PCDHGA4: variants seen among roughly 807,000 people sequenced by gnomAD.
PCDHGA4 encodes the protein protocadherin gamma subfamily A, 4, also known as protocadherin gamma-A4.
Under a neutral mutation model 54.6 loss-of-function variants are expected in PCDHGA4, and 38 were observed. The observed-to-expected ratio is 0.70, with a 90% CI of 0.54 to 0.91. The LOEUF (loss-of-function observed/expected upper bound fraction) is 0.91, where lower values mean the gene tolerates loss of function less well. Among genes scored for constraint, PCDHGA4 ranks in the 40% least tolerant of loss-of-function variants. PCDHGA4 has a pLI of 0.00. For synonymous variants in PCDHGA4, 511 were observed against 512.9 expected, an observed-to-expected ratio of 1.00 and a Z score of 0.05; for missense variants, 1,298 against 1,220.9, an observed-to-expected ratio of 1.06 and a Z score of -0.94.
At chr5:141,434,521 T>G (rs2097700467) in intron 1 of PCDHGA4, among the ~76,000 whole-genome samples, 1 of 152,202 alleles carries the variant, frequency 6.6e-6, no homozygotes, top group Non-Finnish European at 1.5e-5. Flanking sequence ...AAAGGTGTTC[T>G]TAAACCACAA....
chr5:141,374,030 T>G, intron 1 of PCDHGA4: 1 of 1,430,454 alleles, frequency 7.0e-7, no homozygotes. Context: ...GCAAAAGTGA[T>G]GCAGATCTGT....
At position 141,485,565 on chromosome 5, in the gene PCDHGA4, C is replaced by T. The variant is rs1213821989; in HGVS notation, c.2515-9242C>T. The T allele has an allele frequency of 2.5e-6, 4 of 1,612,946 alleles. No homozygotes were observed. Among genetic ancestry groups the T allele is most frequent in the Non-Finnish European group, 2.5e-6 (3 of 1,179,042 alleles). On this transcript the variant is annotated intron_variant, in intron 1 of 3. Coordinates refer to ENST00000571252, the MANE Select transcript of PCDHGA4 (RefSeq NM_018917.4). The surrounding 1 kb of genome is among the most constrained non-coding windows in gnomAD (Gnocchi z 5.7). ...ATCGTAGATGTGAATGATCACGCCCCCCGTTTTCCGCGGCAGCAGCTGGAC... is the reference window on the plus strand; with the variant it reads ...ATCGTAGATGTGAATGATCACGCCCTCCGTTTTCCGCGGCAGCAGCTGGAC...
chr5:141,470,658 G>T lies in PCDHGA4; in HGVS notation c.2515-24149G>T, dbSNP rs527415532. Among the ~76,000 whole-genome samples the T allele has an allele frequency of 4.7e-3, 721 of 152,024 alleles. 9 individuals carry two copies. The highest frequency in any genetic ancestry group is 6.7e-3 in the Non-Finnish European group (452 of 67,944). On this transcript the variant is annotated intron_variant, in intron 1 of 3. Transcript: ENST00000571252. ...CTTGCTTTGAAGGCCCCTACCCTTT[G>T]GTTAGGGCTCTGCTGTTACCATCTT... is the stretch of plus-strand genomic sequence containing the variant.
At chr5:141,365,714 A>T in intron 1 of PCDHGA4, 3 of 1,613,646 alleles carry the variant, frequency 1.9e-6, no homozygotes, top group Non-Finnish European at 2.5e-6. Context: ...CACCTCTGTC[A>T]CAGAAAACAA....
chr5:141,410,080 G>A (rs758499736), intron 1 of PCDHGA4: 2 of 1,612,672 alleles, frequency 1.2e-6, no homozygotes, highest in African/African-American at 2.7e-5. Context: ...CTGGGGAGGT[G>A]CGCACGGCTC....
intron 1 of PCDHGA4, among the ~76,000 whole-genome samples, chr5:141,454,881 C>G (rs2098805859): frequency 7.4e-6 from 1 of 135,536 alleles, no homozygotes; most frequent in African/African-American, 2.8e-5. Flanking sequence ...GATCTTGGCT[C>G]ACTGCTAGCA....
intron 1 of PCDHGA4, chr5:141,393,940 C>T: frequency 3.7e-6 from 6 of 1,613,928 alleles, no homozygotes; most frequent in Non-Finnish European, 5.1e-6. Flanking sequence ...GACCAAGACT[C>T]TGGAAAGAAT....
At position 141,431,496 on chromosome 5, in the gene PCDHGA4, A is replaced by C. The variant is rs1223687647; in HGVS notation, c.2515-63311A>C. On this transcript the variant is annotated intron_variant, in intron 1 of 3. Coordinates refer to ENST00000571252, the MANE Select transcript of PCDHGA4 (RefSeq NM_018917.4). This position sits in a 1 kb window ranked among gnomAD's most constrained non-coding sequence, Gnocchi z 4.8. ...AACGCACCAGCGTTTGCTCAGCCCGAGTACCGCGCGAGCGTTCCGGAGAAT... is the reference window on the plus strand; with the variant it reads ...AACGCACCAGCGTTTGCTCAGCCCGCGTACCGCGCGAGCGTTCCGGAGAAT... 5 of 1,614,020 alleles carry C rather than the reference A, an allele frequency of 3.1e-6. No individual in the cohort carries two copies. The South Asian group carries it at 4.4e-5, about 14-fold the overall frequency.
At chr5:141,403,786 A>G (rs1317253233) in intron 1 of PCDHGA4, 1 of 1,613,848 alleles carries the variant, frequency 6.2e-7, no homozygotes, top group African/African-American at 1.3e-5. Flanking sequence ...GAAAAGTGGC[A>G]TACAAATTCT....
intron 1 of PCDHGA4, chr5:141,370,134 T>G: frequency 2.5e-6 from 1 of 405,930 alleles, no homozygotes; most frequent in Non-Finnish European, 4.3e-6. Context: ...TTGGAGCTGA[T>G]TTAGTCACCA....
At chr5:141,366,265 C>T (rs756734800) in intron 1 of PCDHGA4, 2 of 1,613,684 alleles carry the variant, frequency 1.2e-6, no homozygotes, top group Non-Finnish European at 1.7e-6. Context: ...TCGTGGTGGC[C>T]GTCGAAGACC....
At chr5:141,372,421 G>A (rs1406028554) in intron 1 of PCDHGA4, 2 of 1,614,058 alleles carry the variant, frequency 1.2e-6, no homozygotes, top group Non-Finnish European at 1.7e-6. Context: ...CCTGACCTTA[G>A]CGACCGCCCC....
chr5:141,375,754 C>T, intron 1 of PCDHGA4: 1 of 1,614,244 alleles, frequency 6.2e-7, no homozygotes, highest in Non-Finnish European at 8.5e-7. Flanking sequence ...ACCAGAATGA[C>T]AATGCGCCCG....
Position 141,485,210 on chromosome 5 carries a change from C to T in PCDHGA4, c.2515-9597C>T, listed in dbSNP as rs2099609472. 1.2e-6 allele frequency: 2 copies of T among 1,614,058 alleles called. No individual in the cohort carries two copies. The highest frequency in any genetic ancestry group is 1.3e-5 in the African/African-American group (1 of 75,046). ...GGTGAGAAGCTGGACAGAAATCTGG[C>T]GGTGGGCTACCCTTTTGTTCCTCTT... On this transcript the variant is annotated intron_variant, in intron 1 of 3. Coordinates refer to ENST00000571252, the MANE Select transcript of PCDHGA4 (RefSeq NM_018917.4). The surrounding 1 kb of genome is among the most constrained non-coding windows in gnomAD (Gnocchi z 5.7).
rs780380650 is a variant in PCDHGA4 at position 141,432,715 on chromosome 5, C to G, written c.2515-62092C>G. 2.5e-6 allele frequency: 4 copies of G among 1,613,996 alleles called. No homozygotes were observed. Among genetic ancestry groups the G allele is most frequent in the Non-Finnish European group, 3.4e-6 (4 of 1,179,970 alleles). On this transcript the variant is annotated intron_variant, in intron 1 of 3. Transcript: ENST00000571252. The surrounding 1 kb of genome is among the most constrained non-coding windows in gnomAD (Gnocchi z 6.0). ...TGGCCGTCCAGGACCACGGCCAGCC[C>G]CCTCTCTCCGCCACTGTCACGCTCA... is the stretch of plus-strand genomic sequence containing the variant.
chr5:141,384,218 T>C (rs1245580303), intron 1 of PCDHGA4: 2 of 1,613,904 alleles, frequency 1.2e-6, no homozygotes, highest in Non-Finnish European at 1.7e-6. Context: ...CACATATTCA[T>C]GCAGGTGGCA....
intron 1 of PCDHGA4, chr5:141,422,397 C>A (rs753017439): frequency 6.3e-6 from 10 of 1,597,488 alleles, no homozygotes; most frequent in African/African-American, 2.7e-5. Context: ...TTCCTAACCA[C>A]CTGCCTTTTA....
chr5:141,359,944 G>A (rs533641338), intron 1 of PCDHGA4: 7 of 508,210 alleles, frequency 1.4e-5, no homozygotes, highest in African/African-American at 1.2e-4. Flanking sequence ...CGTCGCTGTT[G>A]GTCAAAAGAA....
chr5:141,457,020 C>A (rs2098903789), intron 1 of PCDHGA4, among the ~76,000 whole-genome samples: 1 of 152,086 alleles, frequency 6.6e-6, no homozygotes, highest in Non-Finnish European at 1.5e-5. Flanking sequence ...AATAAAAAGT[C>A]CTAGTAGACT....
Sources: gnomAD v4.1 joint callset for allele counts (sites outside exome capture counted in the v4.1 genomes callset) on GRCh38, gnomAD v4.1.1 for gene constraint, Gnocchi (gnomAD v3.1) non-coding constraint, MANE v1.5 for transcripts, NCBI Gene and HGNC (gene_info 2026-07-23, HGNC 2026-07-21) for gene names.